The following BCO2 variants were observed in gnomAD, a reference collection of about 807,000 sequenced individuals.
The protein encoded by BCO2 is carotenoid-cleaving dioxygenase, mitochondrial.
Under a neutral mutation model 65.8 loss-of-function variants are expected in BCO2, and 56 were observed. The ratio of observed to expected loss-of-function variants is 0.85; its 90% CI spans 0.69 to 1.06. BCO2 has a LOEUF of 1.06. Ranked by LOEUF, BCO2 falls within the 50% of genes least tolerant of loss-of-function variation. The pLI is 0.00. For missense variants in BCO2, 675 were observed against 698.5 expected, an observed-to-expected ratio of 0.97 and a Z score of 0.38; for synonymous variants, 233 against 242.3, an observed-to-expected ratio of 0.96 and a Z score of 0.36.
chr11:112,211,355 A>G (rs1486805608), intron 8 of BCO2, among the ~76,000 whole-genome samples: 1 of 120,244 alleles, frequency 8.3e-6, no homozygotes, highest in Non-Finnish European at 1.8e-5. Context: ...CACACACAAT[A>G]TTTGTTTATT....
intron 8 of BCO2, among the ~76,000 whole-genome samples, chr11:112,213,149 T>C (rs1859558944): frequency 7.6e-6 from 1 of 131,280 alleles, no homozygotes; most frequent in Non-Finnish European, 1.6e-5. Context: ...TTTTTTTTTT[T>C]TTTTTTTTTT....
intron 8 of BCO2, among the ~76,000 whole-genome samples, chr11:112,204,255 T>C (rs1185601471): frequency 6.6e-6 from 1 of 152,242 alleles, no homozygotes; most frequent in Admixed American, 6.5e-5. Context: ...TTTTCTAAGA[T>C]TGAGTAATAC....
At chr11:112,210,072 A>C (rs2135391899) in intron 8 of BCO2, among the ~76,000 whole-genome samples, 1 of 152,294 alleles carries the variant, frequency 6.6e-6, no homozygotes, top group African/African-American at 2.4e-5. Flanking sequence ...TTCAACAGTA[A>C]AGCCTTCCAG....
intron 2 of BCO2, among the ~76,000 whole-genome samples, chr11:112,188,240 A>G (rs535904124): frequency 1.6e-4 from 25 of 152,208 alleles, no homozygotes; most frequent in Non-Finnish European, 2.9e-4. Context: ...CCAGTCATTC[A>G]GGTCCAACAT....
At chr11:112,210,704 G>A (rs934529271) in intron 8 of BCO2, among the ~76,000 whole-genome samples, 3 of 151,922 alleles carry the variant, frequency 2.0e-5, no homozygotes, top group East Asian at 3.9e-4. Context: ...CTTGAGTGGC[G>A]TGGTGGGTAC....
chr11:112,182,459 C>T (rs919476908), intron 2 of BCO2, among the ~76,000 whole-genome samples: 2 of 152,168 alleles, frequency 1.3e-5, no homozygotes, highest in Non-Finnish European at 2.9e-5. Context: ...CCCAAATGTC[C>T]ATCAATGATA....
chr11:112,176,691 A>C (rs1405978912), intron 1 of BCO2, among the ~76,000 whole-genome samples: 5 of 152,204 alleles, frequency 3.3e-5, no homozygotes, highest in Non-Finnish European at 7.3e-5. Flanking sequence ...GAGCCCATAA[A>C]GGGAATTAAC....
rs139021553 is a variant in BCO2 at position 112,177,475 on chromosome 11, T to C, written c.88+1786T>C. Among the ~76,000 whole-genome samples the C allele has an allele frequency of 2.0e-3, 306 of 152,356 alleles. 1 individual carries two copies. Among genetic ancestry groups the C allele is most frequent in the African/African-American group, 7.1e-3 (297 of 41,588 alleles). On this transcript the variant is annotated intron_variant, in intron 1 of 11. Coordinates refer to ENST00000357685, the MANE Select transcript of BCO2 (RefSeq NM_031938.7). ...AACACAGTGTCAGTGATCTGTTTACTAGGCAGTCAGTTCTTTTATTTCAGG... is the reference window on the plus strand; with the variant it reads ...AACACAGTGTCAGTGATCTGTTTACCAGGCAGTCAGTTCTTTTATTTCAGG...
chr11:112,192,866 G>C (rs1867431352), intron 2 of BCO2, among the ~76,000 whole-genome samples: 1 of 126,056 alleles, frequency 7.9e-6, no homozygotes, highest in Admixed American at 8.7e-5. Context: ...TCTTAGCTGT[G>C]GAGTAAAGAT....
intron 9 of BCO2, 157 bp from the exon 10 acceptor site, chr11:112,214,605 T>C: frequency 3.3e-6 from 2 of 609,028 alleles, no homozygotes; most frequent in Non-Finnish European, 2.9e-6. Flanking sequence ...CATCCACACA[T>C]ATGATGGAAA....
chr11:112,212,883 G>T (rs555260352), intron 8 of BCO2, among the ~76,000 whole-genome samples: 42 of 152,220 alleles, frequency 2.8e-4, no homozygotes, highest in Middle Eastern at 3.4e-3. Flanking sequence ...ACTGGCACAT[G>T]CAAGAACACT....
Position 112,214,889 on chromosome 11 carries a change from G to T in BCO2, c.1460G>T (p.Arg487Leu). Residue 487 changes from arginine (R) to leucine (L), a missense_variant, in exon 10 of 12, where the codon CGG (arginine) becomes CTG (leucine). Transcript: ENST00000357685. ...KYHFFYGCGF[R>L]HLVGDSLIKV... Reference sequence around the variant, plus strand: ...CATTTCTTTTATGGCTGTGGCTTTCGGCATTTAGTGGGGGATTCTCTGATC... The same window carrying T: ...CATTTCTTTTATGGCTGTGGCTTTCTGCATTTAGTGGGGGATTCTCTGATC... The T allele has an allele frequency of 6.2e-7, 1 of 1,614,102 alleles. No individual in the cohort carries two copies. Among genetic ancestry groups the T allele is most frequent in the Non-Finnish European group, 8.5e-7 (1 of 1,180,014 alleles).
intron 8 of BCO2, 93 bp downstream of exon 8, chr11:112,202,283 C>T: frequency 1.7e-6 from 2 of 1,193,124 alleles, no homozygotes; most frequent in Admixed American, 2.6e-5. Context: ...CTCTCTCTCT[C>T]TCTCTCTTTT....
rs754137944 is a variant in BCO2 at position 112,217,888 on chromosome 11, A to G, written c.*14A>G. On this transcript the variant is annotated 3_prime_UTR_variant, in exon 12 of 12. Coordinates refer to ENST00000357685, the MANE Select transcript of BCO2 (RefSeq NM_031938.7). ...ATACCCATCTGATGGGACAACCACAAGGTCTGGAAACTAGGTTTAAAATAA... is the reference window on the plus strand; with the variant it reads ...ATACCCATCTGATGGGACAACCACAGGGTCTGGAAACTAGGTTTAAAATAA... The G allele has an allele frequency of 2.6e-6, 4 of 1,550,432 alleles. No individual in the cohort carries two copies. The highest frequency in any genetic ancestry group is 4.5e-5 in the East Asian group (2 of 44,586).
rs774257868 is a variant in BCO2, at chr11:112,213,824, A to G, written c.1295A>G (p.Tyr432Cys). 5 of 1,600,902 alleles carry G rather than the reference A, an allele frequency of 3.1e-6. No individual in the cohort carries two copies. Among genetic ancestry groups the G allele is most frequent in the African/African-American group, 1.4e-5 (1 of 71,970 alleles). The change falls in exon 9 of 12, where the codon TAT (tyrosine) becomes TGT (cysteine). Residue 432 changes from tyrosine to cysteine, a missense_variant. By Grantham distance (194) the Tyr-to-Cys change is radical. Coordinates refer to ENST00000357685, the MANE Select transcript of BCO2 (RefSeq NM_031938.7). ...PEGDNLSPLS[Y>C]TSASAVKQAD... ...GGAGACAACCTGAGTCCATTGTCCT[A>G]TACTTCAGCCAGTGCTGTGAAACAG...
chr11:112,198,818 G>A (rs781140003), intron 5 of BCO2, among the ~76,000 whole-genome samples: 35 of 151,706 alleles, frequency 2.3e-4, no homozygotes, highest in Non-Finnish European at 4.4e-4. Flanking sequence ...TAGGGGAAGG[G>A]AGTAAAGGAA....
chr11:112,188,479 G>A, intron 2 of BCO2, among the ~76,000 whole-genome samples: 1 of 151,998 alleles, frequency 6.6e-6, no homozygotes, highest in Admixed American at 6.6e-5. Flanking sequence ...ACACTTTCCT[G>A]TTGAAGGTCA....
intron 5 of BCO2, among the ~76,000 whole-genome samples, chr11:112,196,608 T>C (rs1867580765): frequency 6.6e-6 from 1 of 152,186 alleles, no homozygotes; most frequent in Non-Finnish European, 1.5e-5. Context: ...TAATATTTCT[T>C]TCATCACTGT....
At position 112,181,654 on chromosome 11, in the gene BCO2, C is replaced by T. The variant is rs182338665; in HGVS notation, c.293+2172C>T. 15 of 892,716 alleles carry T rather than the reference C, an allele frequency of 1.7e-5. No individual in the cohort carries two copies. The East Asian group carries it at 3.4e-4, about 20-fold the overall frequency. 55.3% of individuals were successfully genotyped at this position (892,716 alleles called of 1,614,324 possible). A position where few individuals can be genotyped will look rare whatever the true frequency, so the allele number is the denominator to read the frequency against. On this transcript the variant is annotated intron_variant, in intron 2 of 11. Coordinates refer to ENST00000357685, the MANE Select transcript of BCO2 (RefSeq NM_031938.7). ...AAAGTGGCAATAAAGAATTCTCAACCACTGGAGGATCATTCACCAATATCC... is the reference window on the plus strand; with the variant it reads ...AAAGTGGCAATAAAGAATTCTCAACTACTGGAGGATCATTCACCAATATCC...
Sources: allele counts gnomAD v4.1 joint callset (sites outside exome capture counted in the v4.1 genomes callset), GRCh38; gene constraint gnomAD v4.1.1; transcripts MANE v1.5; gene names NCBI Gene and HGNC (gene_info 2026-07-23, HGNC 2026-07-21).